The following PDIK1L variants were observed in gnomAD, a reference collection of about 807,000 sequenced individuals.
The protein encoded by PDIK1L is serine/threonine-protein kinase PDIK1L.
PDIK1L carries 9 observed loss-of-function variants against 27.1 expected under a neutral mutation model. The observed-to-expected ratio is 0.33, with a 90% CI of 0.20 to 0.58. PDIK1L has a LOEUF of 0.58. PDIK1L is among the 20% of genes least tolerant of loss of function. The probability of loss-of-function intolerance (pLI) is 0.86; values close to 1 mark genes in which losing one functional copy is unlikely to be tolerated. For missense variants in PDIK1L, 216 were observed against 413.2 expected, an observed-to-expected ratio of 0.52 and a Z score of 4.14; for synonymous variants, 130 against 141.7, an observed-to-expected ratio of 0.92 and a Z score of 0.59.
chr1:26,113,541 C>T (rs1385760646), intron 1 of PDIK1L, among the ~76,000 whole-genome samples: 1 of 144,682 alleles, frequency 6.9e-6, no homozygotes, highest in Non-Finnish European at 1.5e-5. Flanking sequence ...TTTCCACAAA[C>T]TTTATTTTCA....
At chr1:26,115,676 C>T (rs1324165411) in intron 2 of PDIK1L, among the ~76,000 whole-genome samples, 2 of 152,058 alleles carry the variant, frequency 1.3e-5, no homozygotes, top group Non-Finnish European at 2.9e-5. Context: ...GTGGTGGACG[C>T]CTGTAGTCCC....
intron 2 of PDIK1L, among the ~76,000 whole-genome samples, chr1:26,117,426 G>A (rs775252383): frequency 6.6e-6 from 1 of 152,176 alleles, no homozygotes; most frequent in Non-Finnish European, 1.5e-5. Flanking sequence ...TATGTAAGTT[G>A]AATTGATAGA....
chr1:26,120,426 C>A (rs1366787362), intron 2 of PDIK1L, among the ~76,000 whole-genome samples: 1 of 152,144 alleles, frequency 6.6e-6, no homozygotes. Flanking sequence ...ACATGTGCAA[C>A]AAGGAAAACT....
chr1:26,120,534 G>A (rs2087961576), intron 2 of PDIK1L, among the ~76,000 whole-genome samples: 1 of 152,192 alleles, frequency 6.6e-6, no homozygotes, highest in Non-Finnish European at 1.5e-5. Context: ...TTTCCCAGAT[G>A]GTAGAGAAAG....
intron 2 of PDIK1L, among the ~76,000 whole-genome samples, chr1:26,117,141 C>T (rs1319295862): frequency 3.3e-5 from 5 of 149,288 alleles, no homozygotes; most frequent in African/African-American, 1.2e-4. Context: ...AAGTGATTCT[C>T]CTGGCTCAAC....
chr1:26,120,186 A>G (rs1241300395), intron 2 of PDIK1L, among the ~76,000 whole-genome samples: 1 of 152,204 alleles, frequency 6.6e-6, no homozygotes, highest in African/African-American at 2.4e-5. Flanking sequence ...AAAGAAAGGA[A>G]GAAGTATATG....
chr1:26,122,053 G>C lies in PDIK1L; in HGVS notation c.502G>C (p.Asp168His). Residue 168 changes from aspartate to histidine, a missense_variant, in exon 3 of 3, where the codon GAT becomes CAT. By Grantham distance (81) the Asp-to-His change is moderately conservative (BLOSUM62 -1). Around this residue, in one of 2 missense-constraint regions of PDIK1L, gnomAD observed 169 missense variants for 366.0 expected, o/e 0.46. Coordinates refer to ENST00000374269, the MANE Select transcript of PDIK1L (RefSeq NM_152835.5). This position sits in a 1 kb window ranked among gnomAD's most constrained non-coding sequence, Gnocchi z 5.4. ...NQIIHRDLKP[D>H]NILISQTRLD... ...GATCATCCACCGAGATCTTAAGCCT[G>C]ATAACATCCTGATTTCTCAAACCAG... 6.2e-7 allele frequency: 1 copy of C among 1,613,970 alleles called. No individual in the cohort carries two copies. Among genetic ancestry groups the C allele is most frequent in the Non-Finnish European group, 8.5e-7 (1 of 1,180,012 alleles).
chr1:26,117,670 G>C (rs1194775921), intron 2 of PDIK1L, among the ~76,000 whole-genome samples: 1 of 152,162 alleles, frequency 6.6e-6, no homozygotes, highest in Non-Finnish European at 1.5e-5. Context: ...TTGAACCCGG[G>C]AGGCAGAGAT....
Position 26,122,777 on chromosome 1 carries a change from T to C in PDIK1L, c.*200T>C. 1 of 486,850 alleles carries C rather than the reference T, an allele frequency of 2.1e-6. No homozygotes were observed. Among genetic ancestry groups the C allele is most frequent in the Non-Finnish European group, 3.3e-6 (1 of 303,340 alleles). 30.2% of individuals were successfully genotyped at this position (486,850 alleles called of 1,614,324 possible). On this transcript the variant is annotated 3_prime_UTR_variant, in exon 3 of 3. Transcript: ENST00000374269. The surrounding 1 kb of genome is among the most constrained non-coding windows in gnomAD (Gnocchi z 5.4). Reference sequence around the variant, plus strand: ...GTATGTTTCAAATGTGTATTACCAATGTGGGTGTAAATTTTTAAAAAATGA... The same window carrying C: ...GTATGTTTCAAATGTGTATTACCAACGTGGGTGTAAATTTTTAAAAAATGA...
chr1:26,122,496 C>T lies in PDIK1L; in HGVS notation c.945C>T (p.Asn315=), dbSNP rs1258954907. 1 of 1,613,992 alleles carries T rather than the reference C, an allele frequency of 6.2e-7. No individual in the cohort carries two copies. Among genetic ancestry groups the T allele is most frequent in the African/African-American group, 1.3e-5 (1 of 74,912 alleles). Residue 315 remains asparagine, a synonymous_variant, in exon 3 of 3, where the codon AAC becomes AAT. Coordinates refer to ENST00000374269, the MANE Select transcript of PDIK1L (RefSeq NM_152835.5). This position sits in a 1 kb window ranked among gnomAD's most constrained non-coding sequence, Gnocchi z 5.4. ...KQLIKEMLAA[N]PQDRPDAFEL... ...TGATTAAGGAAATGCTGGCTGCAAA[C>T]CCTCAGGATCGTCCAGATGCTTTTG...
chr1:26,113,516 A>G (rs546013782), intron 1 of PDIK1L, among the ~76,000 whole-genome samples: 19 of 151,686 alleles, frequency 1.3e-4, no homozygotes, highest in South Asian at 6.2e-4. Flanking sequence ...AAAAAAAAAA[A>G]AAAGAAACGT....
chr1:26,114,013 A>C lies in PDIK1L; in HGVS notation c.-17-279A>C, dbSNP rs533541487. 6.6e-6 allele frequency among the ~76,000 whole-genome samples: 1 copy of C among 152,310 alleles called. No individual in the cohort carries two copies. Among genetic ancestry groups the C allele is most frequent in the Non-Finnish European group, 1.5e-5 (1 of 68,038 alleles). ...TTTAACCTCTCCATTATATAGTTTC[A>C]TCTATAAAAAGACCATAATAGTATC... On this transcript the variant is annotated intron_variant, in intron 1 of 2. Coordinates refer to ENST00000374269, the MANE Select transcript of PDIK1L (RefSeq NM_152835.5). This position sits in a 1 kb window ranked among gnomAD's most constrained non-coding sequence, Gnocchi z 4.8.
chr1:26,114,273 A>G lies in PDIK1L; in HGVS notation c.-17-19A>G. On this transcript the variant is annotated intron_variant, in intron 1 of 2. Transcript: ENST00000374269. The surrounding 1 kb of genome is among the most constrained non-coding windows in gnomAD (Gnocchi z 4.8). The stretch of plus-strand genomic sequence containing the variant: ...TAGGTATACATAATTTCAACAGAGC[A>G]CTTTGTTGATTTTTCCAGAAACCTC... 6.3e-7 allele frequency: 1 copy of G among 1,586,766 alleles called. No individual in the cohort carries two copies. The highest frequency in any genetic ancestry group is 8.6e-7 in the Non-Finnish European group (1 of 1,162,618).
chr1:26,120,608 C>A (rs1242111634), intron 2 of PDIK1L, among the ~76,000 whole-genome samples: 1 of 152,176 alleles, frequency 6.6e-6, no homozygotes, highest in Non-Finnish European at 1.5e-5. Flanking sequence ...TCGGCCTTTT[C>A]TGTTCAACTC....
chr1:26,117,328 A>G (rs2087896302), intron 2 of PDIK1L, among the ~76,000 whole-genome samples: 1 of 152,160 alleles, frequency 6.6e-6, no homozygotes, highest in African/African-American at 2.4e-5. Context: ...CACCTCGCCC[A>G]GCCAATGCCC....
intron 2 of PDIK1L, among the ~76,000 whole-genome samples, chr1:26,120,858 A>G (rs1557597284): frequency 6.6e-6 from 1 of 151,410 alleles, no homozygotes; most frequent in African/African-American, 2.4e-5. Context: ...AGGCCGAGGC[A>G]GGAGAATCTC....
rs1021452447 is a variant in PDIK1L at position 26,125,035 on chromosome 1, T to C, written c.*2458T>C. On this transcript the variant is annotated 3_prime_UTR_variant, in exon 3 of 3. Transcript: ENST00000374269. The stretch of plus-strand genomic sequence containing the variant: ...TCATAGAGTCTTTTGCCATGATTTA[T>C]GGTGTTTTTTGAAATTTGTCTTAAT... 11 of 152,628 alleles carry C rather than the reference T, an allele frequency of 7.2e-5. No individual in the cohort carries two copies. The highest frequency in any genetic ancestry group is 1.3e-4 in the Non-Finnish European group (9 of 68,016). The allele number at this position is 152,628 out of a possible 1,614,324, so 9.5% of individuals were successfully genotyped here.
rs543538846 is a variant in PDIK1L, at chr1:26,117,184, A to T, written c.285+2591A>T. Among the ~76,000 whole-genome samples the T allele has an allele frequency of 4.1e-4, 62 of 151,890 alleles. No homozygotes were observed. In the East Asian group the frequency reaches 8.6e-3, roughly 21 times the overall value. On this transcript the variant is annotated intron_variant, in intron 2 of 2. Transcript: ENST00000374269. ...GTAGTTGGGACTACAGGTGCCCGTCACCATGCCTGGCTAATTTTTGTATGT... is the reference window on the plus strand; with the variant it reads ...GTAGTTGGGACTACAGGTGCCCGTCTCCATGCCTGGCTAATTTTTGTATGT...
chr1:26,121,248 G>A (rs1981135), intron 2 of PDIK1L, among the ~76,000 whole-genome samples: 128,306 of 152,222 alleles, frequency 0.84, 54,377 homozygotes, highest in East Asian at 0.92. Context: ...AAGAGCCAAC[G>A]TATTTGCATT....
Sources: allele counts gnomAD v4.1 joint callset (sites outside exome capture counted in the v4.1 genomes callset), GRCh38; gene constraint gnomAD v4.1.1; regional missense constraint gnomAD v4.1.1; non-coding constraint Gnocchi (gnomAD v3.1); transcripts MANE v1.5; gene names NCBI Gene and HGNC (gene_info 2026-07-23, HGNC 2026-07-21).